CDH18: variants seen among roughly 807,000 people sequenced by gnomAD.
The protein encoded by CDH18 is cadherin-18.
Under a neutral mutation model 67.9 loss-of-function variants are expected in CDH18, and 31 were observed. The observed-to-expected ratio is 0.46, with a 90% CI of 0.34 to 0.62. CDH18 has a LOEUF of 0.62. Among genes scored for constraint, CDH18 ranks in the 20% least tolerant of loss-of-function variants. The pLI is 0.01. For missense variants in CDH18, 890 were observed against 975.5 expected (o/e 0.91, Z 1.17); for synonymous variants, 362 against 347.2 (o/e 1.04, Z -0.48).
chr5:20,521,170 G>C (rs1310973708), intron 1 of CDH18, among the ~76,000 whole-genome samples: 1 of 152,136 alleles, frequency 6.6e-6, no homozygotes, highest in African/African-American at 2.4e-5. Flanking sequence ...AAGCTGAGTT[G>C]GGAGGTGTGA....
chr5:19,962,135 T>C (rs1222992994), intron 2 of CDH18, among the ~76,000 whole-genome samples: 1 of 151,934 alleles, frequency 6.6e-6, no homozygotes, highest in Non-Finnish European at 1.5e-5. Context: ...ATAATGTCTC[T>C]TCTTTAACCT....
chr5:19,671,129 A>G (rs1369565893), intron 5 of CDH18, among the ~76,000 whole-genome samples: 1 of 152,094 alleles, frequency 6.6e-6, no homozygotes, highest in Non-Finnish European at 1.5e-5. Flanking sequence ...TGTTTAAGAA[A>G]TTACGTTATT....
intron 2 of CDH18, among the ~76,000 whole-genome samples, chr5:20,191,472 T>G (rs1055050533): frequency 6.6e-6 from 1 of 152,076 alleles, no homozygotes; most frequent in Non-Finnish European, 1.5e-5. Context: ...GCCATGGTGG[T>G]TTGCTGCACC....
intron 1 of CDH18, among the ~76,000 whole-genome samples, chr5:20,274,496 T>G (rs1342150289): frequency 6.6e-6 from 1 of 152,106 alleles, no homozygotes; most frequent in East Asian, 1.9e-4. Flanking sequence ...TACATATACA[T>G]TTTCTGAGAT....
In CDH18 at chr5:20,127,512, A is replaced by C. The variant is rs141483296; in HGVS notation, c.-518+127932T>G. ...ACAATGAAATCTCATTCAGTCTTAAAATTAAAAAAAAGGAAATCCCGTCAT... is the reference window on the plus strand; with the variant it reads ...ACAATGAAATCTCATTCAGTCTTAACATTAAAAAAAAGGAAATCCCGTCAT... On this transcript the variant is annotated intron_variant, in intron 2 of 14. Coordinates refer to the CDH18 transcript ENST00000507958. Among the ~76,000 whole-genome samples the C allele has an allele frequency of 1.5e-3, 230 of 152,242 alleles. 2 individuals carry two copies. The highest frequency in any genetic ancestry group is 5.4e-3 in the African/African-American group (226 of 41,512).
At chr5:20,262,328 A>G (rs1169635140) in intron 1 of CDH18, among the ~76,000 whole-genome samples, 3 of 152,236 alleles carry the variant, frequency 2.0e-5, no homozygotes, top group Non-Finnish European at 2.9e-5. Flanking sequence ...CGGAGCAATA[A>G]CTAGGTCAGT....
intron 8 of CDH18, among the ~76,000 whole-genome samples, chr5:19,549,660 AAGGG>A (rs533895316): frequency 6.2e-4 from 88 of 141,348 alleles, no homozygotes; most frequent in Non-Finnish European, 1.2e-3. Flanking sequence ...AGAGGGAAGG[AAGGG>A]AGGGAGGGAG....
chr5:20,294,431 T>A (rs539373606), intron 1 of CDH18, among the ~76,000 whole-genome samples: 1 of 152,296 alleles, frequency 6.6e-6, no homozygotes, highest in African/African-American at 2.4e-5. Context: ...TGGGTTTTCA[T>A]TTGATTTCCC....
Position 19,543,951 on chromosome 5 carries a change from A to T in CDH18, c.1308T>A (p.Asn436Lys), listed in dbSNP as rs780121225. ...EDDRFFNIDA[N>K]TGTIRTTKVL... ...CCTTTGTAGTCCTAATGGTCCCAGT[A>T]TTGGCATCAATGTTGAAAAATCTGT... The change falls in exon 9 of 13, where the codon AAT becomes AAA. Residue 436 changes from asparagine to lysine, a missense_variant. By Grantham distance (94) the Asn-to-Lys change is moderately conservative (BLOSUM62 0). Coordinates refer to ENST00000382275, the MANE Select transcript of CDH18 (RefSeq NM_004934.5). 3.1e-6 allele frequency: 5 copies of T among 1,596,282 alleles called. No homozygotes were observed. The East Asian group carries it at 1.1e-4, about 36-fold the overall frequency.
At chr5:20,364,576 A>T (rs1742362029) in intron 1 of CDH18, among the ~76,000 whole-genome samples, 1 of 152,188 alleles carries the variant, frequency 6.6e-6, no homozygotes, top group African/African-American at 2.4e-5. Flanking sequence ...AATTATATTC[A>T]ATTCAATTCA....
At chr5:19,895,573 C>T (rs1789232691) in intron 2 of CDH18, among the ~76,000 whole-genome samples, 1 of 152,112 alleles carries the variant, frequency 6.6e-6, no homozygotes, top group African/African-American at 2.4e-5. Context: ...ATGTTGATAG[C>T]AGAGTTATTT....
chr5:20,055,168 G>A (rs894883882), intron 2 of CDH18, among the ~76,000 whole-genome samples: 8 of 151,906 alleles, frequency 5.3e-5, no homozygotes, highest in Non-Finnish European at 7.4e-5. Context: ...ATATATGAGG[G>A]TATAATCTTT....
At chr5:20,483,981 A>G (rs909149194) in intron 1 of CDH18, among the ~76,000 whole-genome samples, 1 of 152,058 alleles carries the variant, frequency 6.6e-6, no homozygotes, top group Non-Finnish European at 1.5e-5. Context: ...AACAACAAAC[A>G]AAGTGAAGAG....
At chr5:19,813,600 C>T (rs1166030833) in intron 3 of CDH18, among the ~76,000 whole-genome samples, 1 of 151,994 alleles carries the variant, frequency 6.6e-6, no homozygotes, top group African/African-American at 2.4e-5. Flanking sequence ...GAACTAATAA[C>T]TATTTTGGAA....
chr5:20,284,157 A>T (rs1746503160), intron 1 of CDH18, among the ~76,000 whole-genome samples: 1 of 152,012 alleles, frequency 6.6e-6, no homozygotes, highest in Non-Finnish European at 1.5e-5. Context: ...GAGTACAAAA[A>T]TATAGTTAGA....
At chr5:20,075,923 T>C (rs1337668357) in intron 2 of CDH18, among the ~76,000 whole-genome samples, 1 of 152,142 alleles carries the variant, frequency 6.6e-6, no homozygotes, top group Admixed American at 6.5e-5. Flanking sequence ...CTATTCTTTA[T>C]GTGGAATTAA....
At chr5:19,832,699 T>C (rs1781191440) in intron 3 of CDH18, among the ~76,000 whole-genome samples, 1 of 152,168 alleles carries the variant, frequency 6.6e-6, no homozygotes. Flanking sequence ...TGAGTTAATG[T>C]TCGTATAAGG....
At chr5:20,239,692 T>C (rs1383441366) in intron 2 of CDH18, among the ~76,000 whole-genome samples, 2 of 152,196 alleles carry the variant, frequency 1.3e-5, no homozygotes, top group Non-Finnish European at 2.9e-5. Context: ...AGTTTATGCA[T>C]GTCAATAATA....
intron 1 of CDH18, among the ~76,000 whole-genome samples, chr5:20,452,805 T>C (rs1750553683): frequency 6.6e-6 from 1 of 151,984 alleles, no homozygotes; most frequent in South Asian, 2.1e-4. Flanking sequence ...ATCTAGTAAC[T>C]TATGAGTGAG....
Sources: allele counts gnomAD v4.1 joint callset (sites outside exome capture counted in the v4.1 genomes callset), GRCh38; gene constraint gnomAD v4.1.1; transcripts MANE v1.5; gene names NCBI Gene and HGNC (gene_info 2026-07-23, HGNC 2026-07-21).